IFT74: variants seen among roughly 807,000 people sequenced by gnomAD.
IFT74 encodes the protein intraflagellar transport 74.
Under a neutral mutation model 96.7 loss-of-function variants are expected in IFT74, and 92 were observed. The observed-to-expected ratio is 0.95, with a 90% confidence interval of 0.80 to 1.13. The LOEUF (loss-of-function observed/expected upper bound fraction) is 1.13, where lower values mean the gene tolerates loss of function less well. Ranked by LOEUF, IFT74 falls within the 50% of genes most tolerant of loss-of-function variation. The pLI is 0.00. For synonymous variants in IFT74, 223 were observed against 213.2 expected (o/e 1.05, Z -0.40); for missense variants, 811 against 698.2 (o/e 1.16, Z -1.82).
intron 2 of IFT74, among the ~76,000 whole-genome samples, chr9:26,969,096 G>T (rs1826764598): frequency 6.6e-6 from 1 of 151,920 alleles, no homozygotes; most frequent in African/African-American, 2.4e-5. Flanking sequence ...ATAGGTTTTG[G>T]ATATGTTGTG....
chr9:27,032,990 G>A (rs2131654609), intron 13 of IFT74, among the ~76,000 whole-genome samples: 1 of 152,092 alleles, frequency 6.6e-6, no homozygotes, highest in Admixed American at 6.5e-5. Flanking sequence ...AAAAATGCAA[G>A]CAGAAAAGTA....
At chr9:27,041,757 A>G (rs1450403231) in intron 13 of IFT74, among the ~76,000 whole-genome samples, 2 of 152,158 alleles carry the variant, frequency 1.3e-5, no homozygotes, top group Admixed American at 6.5e-5. Context: ...GACTGCCTAC[A>G]TTTACACTGC....
At chr9:26,999,649 T>C (rs760901347) in intron 8 of IFT74, 20 of 1,610,036 alleles carry the variant, frequency 1.2e-5, no homozygotes, top group Non-Finnish European at 1.6e-5. Context: ...GATAATAATA[T>C]CATGGAGAGG....
At chr9:27,012,243 G>C (rs1829118142) in intron 10 of IFT74, among the ~76,000 whole-genome samples, 1 of 152,106 alleles carries the variant, frequency 6.6e-6, no homozygotes, top group Non-Finnish European at 1.5e-5. Flanking sequence ...TTTTTTTAGA[G>C]ACAGAGTCTT....
intron 13 of IFT74, among the ~76,000 whole-genome samples, chr9:27,033,123 A>G (rs139922598): frequency 1.3e-5 from 2 of 152,326 alleles, no homozygotes; most frequent in Non-Finnish European, 2.9e-5. Context: ...TAAATGGAGT[A>G]ATACTAATAT....
chr9:26,999,239 T>C (rs1563962086), intron 8 of IFT74, among the ~76,000 whole-genome samples: 1 of 152,194 alleles, frequency 6.6e-6, no homozygotes, highest in Non-Finnish European at 1.5e-5. Flanking sequence ...GAACTAAGAA[T>C]AGTTCTGGTT....
chr9:27,049,727 G>A (rs189239312), intron 16 of IFT74, among the ~76,000 whole-genome samples: 120 of 152,278 alleles, frequency 7.9e-4, no homozygotes, highest in Non-Finnish European at 1.5e-3. Flanking sequence ...AGCATAAGGA[G>A]CAACGGAAGT....
In IFT74 at chr9:27,018,657, A is replaced by T; in HGVS notation, c.944A>T (p.Asp315Val). 6.6e-7 allele frequency: 1 copy of T among 1,519,416 alleles called. No individual in the cohort carries two copies. The highest frequency in any genetic ancestry group is 2.3e-5 in the East Asian group (1 of 43,728). The allele number at this position is 1,519,416 out of a possible 1,614,324, so 94.1% of individuals were successfully genotyped here. A position where few individuals can be genotyped will look rare whatever the true frequency, so the allele number is the denominator to read the frequency against. ...TTTATGCCTTTGTAGATTAAAGATG[A>T]TAATCAGGAAATAGCCAGCATGGAA... is the stretch of plus-strand genomic sequence containing the variant. ...REKLLKQIKD[D>V]NQEIASMERQ... Residue 315 changes from aspartate (D) to valine (V), a missense_variant, in exon 12 of 20, where the codon GAT (aspartate) becomes GTT (valine). Coordinates refer to ENST00000380062, the MANE Select transcript of IFT74 (RefSeq NM_025103.4).
At chr9:26,990,066 A>T in intron 7 of IFT74, 68 bp from the exon 8 acceptor site, 4 of 888,696 alleles carry the variant, frequency 4.5e-6, no homozygotes, top group Non-Finnish European at 6.7e-6. Context: ...CCTAGCCAAA[A>T]TAACCTACAA....
chr9:27,023,418 A>G (rs1477602626), intron 12 of IFT74, among the ~76,000 whole-genome samples: 1 of 152,220 alleles, frequency 6.6e-6, no homozygotes, highest in Non-Finnish European at 1.5e-5. Context: ...TGAGATGATC[A>G]TATGAGTTTT....
chr9:27,031,766 TA>T (rs1406908055), intron 13 of IFT74, among the ~76,000 whole-genome samples: 5 of 146,306 alleles, frequency 3.4e-5, no homozygotes, highest in African/African-American at 1.2e-4. Context: ...TAAAATAAAA[TA>T]AAATAAAATA....
At chr9:27,025,076 A>G (rs1030674240) in intron 12 of IFT74, among the ~76,000 whole-genome samples, 2 of 152,120 alleles carry the variant, frequency 1.3e-5, no homozygotes, top group Non-Finnish European at 2.9e-5. Context: ...CAAACCTGTA[A>G]GTTTGGAAAA....
At chr9:26,961,928 C>G in intron 1 of IFT74, 21 bp from the exon 2 acceptor site, 1 of 1,612,410 alleles carries the variant, frequency 6.2e-7, no homozygotes, top group Non-Finnish European at 8.5e-7. Context: ...AAGGATTGAA[C>G]TATTTATTGT....
chr9:27,007,972 A>G (rs1345058177), intron 8 of IFT74, among the ~76,000 whole-genome samples: 8 of 152,174 alleles, frequency 5.3e-5, no homozygotes, highest in Non-Finnish European at 1.0e-4. Flanking sequence ...AACAAGTGAC[A>G]TGTCATTGGT....
intron 15 of IFT74, 42 bp from the exon 16 acceptor site, chr9:27,048,106 A>G (rs879694447): frequency 2.1e-6 from 3 of 1,440,042 alleles, no homozygotes; most frequent in Non-Finnish European, 2.8e-6. Flanking sequence ...AACTAACTAA[A>G]TCAGTGGATT....
At chr9:27,021,079 A>G (rs1829577128) in intron 12 of IFT74, among the ~76,000 whole-genome samples, 1 of 152,134 alleles carries the variant, frequency 6.6e-6, no homozygotes, top group Non-Finnish European at 1.5e-5. Context: ...AACTCTGTCT[A>G]GGTTGCTGTG....
chr9:27,060,366 A>G (rs562403087), intron 18 of IFT74, among the ~76,000 whole-genome samples: 46 of 152,028 alleles, frequency 3.0e-4, no homozygotes, highest in African/African-American at 7.5e-4. Context: ...CATTTAAAAT[A>G]TAATTAAAAT....
At chr9:27,025,443 CAAAAAAAAAAAAA>C (rs57335230) in intron 12 of IFT74, among the ~76,000 whole-genome samples, 2 of 77,722 alleles carry the variant, frequency 2.6e-5, no homozygotes, top group Admixed American at 3.1e-4. Context: ...ACTCCATCTC[CAAAAAAAAAAAAA>C]AAAAAAAGAA....
intron 9 of IFT74, among the ~76,000 whole-genome samples, chr9:27,010,402 C>T (rs1828996675): frequency 6.6e-6 from 1 of 152,052 alleles, no homozygotes. Context: ...TATTCCTTCT[C>T]TCCCCCACAC....
Sources: gnomAD v4.1 joint callset for allele counts (sites outside exome capture counted in the v4.1 genomes callset) on GRCh38, gnomAD v4.1.1 for gene constraint, MANE v1.5 for transcripts, NCBI Gene and HGNC (gene_info 2026-07-23, HGNC 2026-07-21) for gene names.